Variants in CCDC85A observed in about 807,000 individuals in gnomAD.
The protein encoded by CCDC85A is coiled-coil domain containing 85A, also known as coiled-coil domain-containing protein 85A.
In CCDC85A, 38 loss-of-function variants were observed where a neutral mutation model predicts 50.2. The observed-to-expected ratio is 0.76, with a 90% CI of 0.58 to 0.99. The LOEUF is 0.99. CCDC85A is among the 50% of genes least tolerant of loss of function. The pLI, the probability that CCDC85A is intolerant of heterozygous loss-of-function variation, is 0.00. For synonymous variants in CCDC85A, 366 were observed against 301.4 expected (o/e 1.21, Z -2.22); for missense variants, 820 against 742.0 (o/e 1.11, Z -1.22).
intron 2 of CCDC85A, among the ~76,000 whole-genome samples, chr2:56,331,974 A>C (rs1673826133): frequency 6.6e-6 from 1 of 151,058 alleles, no homozygotes; most frequent in South Asian, 2.1e-4. Context: ...CTGGCGGTGC[A>C]GAGCCTCTCA....
Position 56,384,307 on chromosome 2 carries a change from T to C in CCDC85A, c.1614T>C (p.Pro538=), listed in dbSNP as rs1558669820. 1 of 1,611,376 alleles carries C rather than the reference T, an allele frequency of 6.2e-7. No homozygotes were observed. The highest frequency in any genetic ancestry group is 1.1e-5 in the South Asian group (1 of 91,022). The change falls in exon 6 of 6, where the codon CCT becomes CCC. Residue 538 remains proline, a synonymous_variant. Coordinates refer to ENST00000407595, the MANE Select transcript of CCDC85A (RefSeq NM_001080433.2). ...RKLGDAAGSC[P]GIRQHLSGNQ... ...TTGGAGATGCTGCAGGTTCGTGTCC[T>C]GGAATTAGGCAACATTTGTCAGGAA...
chr2:56,341,942 G>C (rs1001182476), intron 2 of CCDC85A, among the ~76,000 whole-genome samples: 6 of 151,126 alleles, frequency 4.0e-5, no homozygotes, highest in Admixed American at 3.3e-4. Flanking sequence ...TTTTTATTGG[G>C]AGAAATAAAG....
chr2:56,344,449 G>T (rs547333745), intron 3 of CCDC85A, among the ~76,000 whole-genome samples: 1 of 152,164 alleles, frequency 6.6e-6, no homozygotes, highest in Non-Finnish European at 1.5e-5. Context: ...TTTAAAACTT[G>T]TTTATTTCTG....
chr2:56,351,113 T>G (rs1214211600), intron 3 of CCDC85A, among the ~76,000 whole-genome samples: 1 of 146,224 alleles, frequency 6.8e-6, no homozygotes, highest in Non-Finnish European at 1.5e-5. Flanking sequence ...TTTGGTTTTT[T>G]GTTCTTGCGA....
intron 5 of CCDC85A, among the ~76,000 whole-genome samples, chr2:56,382,631 C>G (rs1236863021): frequency 6.6e-6 from 1 of 151,962 alleles, no homozygotes. Flanking sequence ...ACCTGTTATG[C>G]CTTTTTAGTT....
intron 2 of CCDC85A, among the ~76,000 whole-genome samples, chr2:56,250,790 A>G (rs954633048): frequency 1.3e-5 from 2 of 152,220 alleles, no homozygotes; most frequent in African/African-American, 4.8e-5. Context: ...TGTCATTGCT[A>G]GAGTTGATCT....
At chr2:56,334,722 G>A (rs894453226) in intron 2 of CCDC85A, among the ~76,000 whole-genome samples, 3 of 152,178 alleles carry the variant, frequency 2.0e-5, no homozygotes, top group Non-Finnish European at 4.4e-5. Context: ...TCTGATTATT[G>A]GAAAGCTATT....
chr2:56,338,704 C>T (rs1674205277), intron 2 of CCDC85A, among the ~76,000 whole-genome samples: 1 of 151,998 alleles, frequency 6.6e-6, no homozygotes, highest in Admixed American at 6.6e-5. Flanking sequence ...AGTAACAAAC[C>T]TCAAAATCCC....
At chr2:56,196,250 A>G (rs1198539653) in intron 2 of CCDC85A, among the ~76,000 whole-genome samples, 1 of 152,222 alleles carries the variant, frequency 6.6e-6, no homozygotes, top group East Asian at 1.9e-4. Flanking sequence ...AATTCTCAAA[A>G]ATGCATTTAA....
chr2:56,296,313 C>G lies in CCDC85A; in HGVS notation c.1241-46566C>G, dbSNP rs6715175. Among the ~76,000 whole-genome samples the G allele has an allele frequency of 5.8e-3, 882 of 152,222 alleles. 4 individuals carry two copies. The highest frequency in any genetic ancestry group is 0.02 in the African/African-American group (848 of 41,532). On this transcript the variant is annotated intron_variant, in intron 2 of 5. Coordinates refer to ENST00000407595, the MANE Select transcript of CCDC85A (RefSeq NM_001080433.2). ...AAGGGTTTCTTTTTGCCCTACTGTG[C>G]CAGGATGTTATGAAATAACTTAAAA...
intron 3 of CCDC85A, among the ~76,000 whole-genome samples, chr2:56,343,375 A>G (rs987618599): frequency 2.0e-5 from 3 of 152,210 alleles, no homozygotes; most frequent in African/African-American, 7.2e-5. Flanking sequence ...TTCGCATTAT[A>G]ATTAAATTAG....
At chr2:56,277,053 C>G (rs1414613138) in intron 2 of CCDC85A, among the ~76,000 whole-genome samples, 1 of 152,184 alleles carries the variant, frequency 6.6e-6, no homozygotes, top group African/African-American at 2.4e-5. Flanking sequence ...CTGGGACTCT[C>G]TGAGGCCGCA....
chr2:56,217,502 G>A (rs2103896553), intron 2 of CCDC85A, among the ~76,000 whole-genome samples: 1 of 151,986 alleles, frequency 6.6e-6, no homozygotes, highest in East Asian at 1.9e-4. Context: ...TTTTTAACTG[G>A]AAGTCATGAC....
At chr2:56,200,450 G>T (rs572537795) in intron 2 of CCDC85A, among the ~76,000 whole-genome samples, 4 of 152,214 alleles carry the variant, frequency 2.6e-5, no homozygotes, top group African/African-American at 9.6e-5. Context: ...GTAGACTACG[G>T]GACACTTGAG....
Position 56,193,127 on chromosome 2 carries a change from G to A in CCDC85A, c.927G>A (p.Val309=), listed in dbSNP as rs779075557. 1 of 1,613,088 alleles carries A rather than the reference G, an allele frequency of 6.2e-7. No individual in the cohort carries two copies. Among genetic ancestry groups the A allele is most frequent in the East Asian group, 2.2e-5 (1 of 44,824 alleles). The change falls in exon 2 of 6, where the codon GTG becomes GTA. Residue 309 remains valine, a synonymous_variant. Coordinates refer to ENST00000407595, the MANE Select transcript of CCDC85A (RefSeq NM_001080433.2). The part of the protein sequence containing the change: ...GSSPETLPKH[V]LSGSPEHFQK... ...GCCCCGAAACGCTGCCCAAGCACGT[G>A]CTGAGTGGGAGCCCGGAACACTTCC...
At chr2:56,329,961 T>G (rs1171774653) in intron 2 of CCDC85A, among the ~76,000 whole-genome samples, 3 of 131,204 alleles carry the variant, frequency 2.3e-5, no homozygotes, top group African/African-American at 6.4e-5. Context: ...TTTTTTTTTT[T>G]TTTTTTTTTT....
At chr2:56,308,930 A>G (rs189016155) in intron 2 of CCDC85A, among the ~76,000 whole-genome samples, 5 of 152,246 alleles carry the variant, frequency 3.3e-5, no homozygotes, top group Non-Finnish European at 7.4e-5. Flanking sequence ...GTGAGCTGGG[A>G]AAAGTGAGGG....
In CCDC85A at chr2:56,184,402, C is replaced by G. The variant is rs1313524912; in HGVS notation, c.-223C>G. On this transcript the variant is annotated 5_prime_UTR_variant, in exon 1 of 6. Transcript: ENST00000407595. ...GACGGGCCTCGGCAGCAGCAAGCGG[C>G]TGGCTGCCGGGCCCTGGGGGAGCGC... The G allele has an allele frequency of 1.4e-5, 7 of 517,100 alleles. No homozygotes were observed. The highest frequency in any genetic ancestry group is 1.2e-4 in the African/African-American group (6 of 49,480). The allele number at this position is 517,100 out of a possible 1,614,324, so 32.0% of individuals were successfully genotyped here. A position where few individuals can be genotyped will look rare whatever the true frequency, so the allele number is the denominator to read the frequency against.
intron 2 of CCDC85A, among the ~76,000 whole-genome samples, chr2:56,297,994 A>G (rs1331002925): frequency 6.6e-6 from 1 of 152,184 alleles, no homozygotes; most frequent in Admixed American, 6.6e-5. Flanking sequence ...TACAGCTATG[A>G]TTCCTGGCAG....
Sources: allele counts gnomAD v4.1 joint callset (sites outside exome capture counted in the v4.1 genomes callset), GRCh38; gene constraint gnomAD v4.1.1; transcripts MANE v1.5; gene names NCBI Gene and HGNC (gene_info 2026-07-23, HGNC 2026-07-21).